Variants in GRIN2A observed in about 807,000 individuals in gnomAD.
The protein encoded by GRIN2A is glutamate receptor ionotropic, NMDA 2A.
GRIN2A carries 22 observed loss-of-function variants against 113.4 expected under a neutral mutation model. The observed-to-expected ratio is 0.19, with a 90% CI of 0.14 to 0.28. The LOEUF (loss-of-function observed/expected upper bound fraction) is 0.28. Ranked by LOEUF, GRIN2A falls within the 10% of genes least tolerant of loss-of-function variation. The pLI, the probability that GRIN2A is intolerant of heterozygous loss-of-function variation, is 1.00. For missense variants in GRIN2A, 1,502 were observed against 1,887.0 expected, an observed-to-expected ratio of 0.80 and a Z score of 3.78; for synonymous variants, 827 against 738.4, an observed-to-expected ratio of 1.12 and a Z score of -1.94.
intron 3 of GRIN2A, among the ~76,000 whole-genome samples, chr16:9,927,514 T>G (rs1002841609): frequency 6.6e-6 from 1 of 152,212 alleles, no homozygotes; most frequent in Non-Finnish European, 1.5e-5. Context: ...CTTGATTATA[T>G]TGCACCTGAA....
chr16:10,167,598 C>T (rs2049950316), intron 2 of GRIN2A, among the ~76,000 whole-genome samples: 1 of 152,100 alleles, frequency 6.6e-6, no homozygotes, highest in African/African-American at 2.4e-5. Flanking sequence ...AAATGGGTAA[C>T]ATAGCCACCT....
intron 10 of GRIN2A, among the ~76,000 whole-genome samples, chr16:9,818,137 AAAGG>A (rs1054243583): frequency 1.3e-5 from 2 of 152,114 alleles, no homozygotes; most frequent in African/African-American, 4.8e-5. Context: ...GGAGATGTGA[AAAGG>A]AAGGAAAAGG....
At position 10,124,822 on chromosome 16, in the gene GRIN2A, G is replaced by C. The variant is rs2048900906; in HGVS notation, c.414+55176C>G. Among the ~76,000 whole-genome samples the C allele has an allele frequency of 2.0e-5, 3 of 152,172 alleles. No individual in the cohort carries two copies. In the South Asian group the frequency reaches 6.2e-4, roughly 32 times the overall value. ...ACATACAAGTTAAAGTTGTGGTACA[G>C]CTAATGACATGAGGGCTCCTATGGA... On this transcript the variant is annotated intron_variant, in intron 2 of 12. Coordinates refer to ENST00000330684, the MANE Select transcript of GRIN2A (RefSeq NM_001134407.3).
intron 2 of GRIN2A, among the ~76,000 whole-genome samples, chr16:10,162,390 C>G (rs548649823): frequency 6.6e-6 from 1 of 152,164 alleles, no homozygotes; most frequent in Non-Finnish European, 1.5e-5. Context: ...TATTCATTTT[C>G]CCAGGCTGCT....
At chr16:10,008,805 A>C (rs1405954527) in intron 2 of GRIN2A, among the ~76,000 whole-genome samples, 1 of 152,186 alleles carries the variant, frequency 6.6e-6, no homozygotes, top group Non-Finnish European at 1.5e-5. Context: ...AACAAAACTG[A>C]TTTACAGGTA....
chr16:10,028,040 G>A (rs746755350), intron 2 of GRIN2A, among the ~76,000 whole-genome samples: 1 of 152,166 alleles, frequency 6.6e-6, no homozygotes, highest in Non-Finnish European at 1.5e-5. Context: ...GGATGTTGCC[G>A]AGTGCCTCTG....
intron 2 of GRIN2A, among the ~76,000 whole-genome samples, chr16:10,038,854 AAAAC>A (rs1354461859): frequency 3.5e-5 from 5 of 141,720 alleles, no homozygotes; most frequent in East Asian, 5.4e-4. Context: ...TCTCAAAAAA[AAAAC>A]AAAAAACAAA....
At chr16:9,892,511 T>C (rs1268139587) in intron 3 of GRIN2A, among the ~76,000 whole-genome samples, 1 of 152,084 alleles carries the variant, frequency 6.6e-6, no homozygotes. Context: ...TAGTGAAAGA[T>C]TAGATGAGGG....
chr16:9,819,444 C>T (rs2141287980), intron 10 of GRIN2A, among the ~76,000 whole-genome samples: 1 of 151,668 alleles, frequency 6.6e-6, no homozygotes, highest in Non-Finnish European at 1.5e-5. Context: ...TTACCTGAGC[C>T]CAGGGAAGTC....
At chr16:10,112,784 G>A (rs943281135) in intron 2 of GRIN2A, 14 of 698,676 alleles carry the variant, frequency 2.0e-5, no homozygotes, top group African/African-American at 1.8e-4. Flanking sequence ...ATGGCTCCAT[G>A]ATGTACTCAG....
At chr16:10,043,933 A>G (rs1406264011) in intron 2 of GRIN2A, among the ~76,000 whole-genome samples, 1 of 149,290 alleles carries the variant, frequency 6.7e-6, no homozygotes, top group Non-Finnish European at 1.5e-5. Context: ...ATATGTGTGT[A>G]TATATACACA....
At chr16:10,099,258 C>G (rs1319886431) in intron 2 of GRIN2A, among the ~76,000 whole-genome samples, 1 of 152,112 alleles carries the variant, frequency 6.6e-6, no homozygotes, top group African/African-American at 2.4e-5. Context: ...ATAAAAGATA[C>G]TTACTCAAAA....
chr16:10,133,743 G>A (rs951631684), intron 2 of GRIN2A, among the ~76,000 whole-genome samples: 4 of 152,170 alleles, frequency 2.6e-5, no homozygotes, highest in Non-Finnish European at 5.9e-5. Context: ...CTCTCCAACT[G>A]TGGACCTGTA....
intron 2 of GRIN2A, among the ~76,000 whole-genome samples, chr16:10,092,861 CTTTTT>C: frequency 7.0e-6 from 1 of 142,548 alleles, no homozygotes; most frequent in East Asian, 2.0e-4. Context: ...TGAAAAGTTG[CTTTTT>C]TTTTTTTTTT....
At chr16:9,974,429 G>A (rs1344529227) in intron 2 of GRIN2A, among the ~76,000 whole-genome samples, 9 of 152,070 alleles carry the variant, frequency 5.9e-5, no homozygotes, top group East Asian at 1.9e-4. Context: ...TCTGATTACC[G>A]GTGCATGCAG....
At chr16:9,770,270 A>G (rs979330810) in intron 11 of GRIN2A, among the ~76,000 whole-genome samples, 5 of 152,360 alleles carry the variant, frequency 3.3e-5, no homozygotes, top group East Asian at 1.9e-4. Context: ...TTATATGTAT[A>G]TACATGATCT....
intron 2 of GRIN2A, among the ~76,000 whole-genome samples, chr16:9,972,531 C>T (rs182232455): frequency 6.6e-6 from 1 of 151,916 alleles, no homozygotes; most frequent in Non-Finnish European, 1.5e-5. Context: ...AAAATATGCT[C>T]ATCACAAAGA....
chr16:10,123,059 T>C (rs1161758705), intron 2 of GRIN2A, among the ~76,000 whole-genome samples: 2 of 152,204 alleles, frequency 1.3e-5, no homozygotes, highest in Admixed American at 6.5e-5. Context: ...CAGCTAGCAA[T>C]GGCAATGTTT....
chr16:10,153,487 G>A (rs1201781505), intron 2 of GRIN2A, among the ~76,000 whole-genome samples: 3 of 152,160 alleles, frequency 2.0e-5, no homozygotes, highest in Middle Eastern at 6.8e-3. Context: ...GTATACACAA[G>A]GAGAAAAGCT....
Sources: gnomAD v4.1 joint callset for allele counts (sites outside exome capture counted in the v4.1 genomes callset) on GRCh38, gnomAD v4.1.1 for gene constraint, MANE v1.5 for transcripts, NCBI Gene and HGNC (gene_info 2026-07-23, HGNC 2026-07-21) for gene names.